The following MDFIC2 variants were observed in gnomAD, a reference collection of about 807,000 sequenced individuals.
MDFIC2 encodes myoD family inhibitor domain-containing protein 2.
At chr3:70,276,370 T>A (rs1702026155) in intron 2 of MDFIC2, among the ~76,000 whole-genome samples, 1 of 152,216 alleles carries the variant, frequency 6.6e-6, no homozygotes, top group Non-Finnish European at 1.5e-5. Context: ...CTTCTGGAAA[T>A]GTATGTTAAT....
Position 70,275,015 on chromosome 3 carries a change from CA to C in MDFIC2, c.88+36870del, listed in dbSNP as rs201838838. 9.0e-3 allele frequency among the ~76,000 whole-genome samples: 1,369 copies of C among 152,172 alleles called. 23 individuals carry two copies. Among genetic ancestry groups the C allele is most frequent in the African/African-American group, 0.031 (1,284 of 41,518 alleles). On this transcript the variant is annotated intron_variant, in intron 2 of 3. Coordinates refer to ENST00000567252, the MANE Select transcript of MDFIC2 (RefSeq NM_001364677.1). ...TGAAGATTCTCAGAACCTTGTTTCTCAAAGGAAACTACAGAAACTCAAAGGA... is the reference window on the plus strand; with the variant it reads ...TGAAGATTCTCAGAACCTTGTTTCTCAAGGAAACTACAGAAACTCAAAGGA...
intron 2 of MDFIC2, among the ~76,000 whole-genome samples, chr3:70,213,942 A>C (rs1288603780): frequency 1.3e-5 from 2 of 152,110 alleles, no homozygotes; most frequent in Admixed American, 1.3e-4. Flanking sequence ...CATTGAGAAA[A>C]GCATAATAAA....
chr3:70,277,712 T>TG (rs1702040992), intron 2 of MDFIC2, among the ~76,000 whole-genome samples: 1 of 152,140 alleles, frequency 6.6e-6, no homozygotes, highest in Non-Finnish European at 1.5e-5. Flanking sequence ...TGATGCCACC[T>TG]CAGTCTAAGA....
At chr3:70,214,517 A>G (rs1195418338) in intron 2 of MDFIC2, among the ~76,000 whole-genome samples, 1 of 152,066 alleles carries the variant, frequency 6.6e-6, no homozygotes, top group Non-Finnish European at 1.5e-5. Flanking sequence ...AGAGTACAAA[A>G]GAACTGAGGG....
intron 2 of MDFIC2, among the ~76,000 whole-genome samples, chr3:70,294,078 C>T (rs1217348364): frequency 6.6e-6 from 1 of 151,960 alleles, no homozygotes; most frequent in African/African-American, 2.4e-5. Flanking sequence ...AAAGACATGG[C>T]CATGTTTTAA....
intron 2 of MDFIC2, among the ~76,000 whole-genome samples, chr3:70,207,132 G>A (rs1701299060): frequency 6.6e-6 from 1 of 151,310 alleles, no homozygotes; most frequent in South Asian, 2.1e-4. Flanking sequence ...CTGTCACAGA[G>A]TATTATTAAT....
At chr3:70,205,286 G>A (rs958260115) in intron 3 of MDFIC2, 20 of 151,980 alleles carry the variant, frequency 1.3e-4, no homozygotes, top group African/African-American at 4.6e-4. Flanking sequence ...ATTTAGATGA[G>A]CCATGTGCTC....
intron 2 of MDFIC2, among the ~76,000 whole-genome samples, chr3:70,216,892 A>G (rs978447939): frequency 2.6e-5 from 4 of 152,140 alleles, no homozygotes; most frequent in African/African-American, 9.6e-5. Context: ...GATGCTGCTG[A>G]ACAACCTATT....
intron 2 of MDFIC2, among the ~76,000 whole-genome samples, chr3:70,280,875 C>G (rs1256436920): frequency 3.9e-5 from 6 of 152,098 alleles, no homozygotes; most frequent in Non-Finnish European, 8.8e-5. Flanking sequence ...CACAGAAAGT[C>G]CAAGAAGAAT....
intron 2 of MDFIC2, among the ~76,000 whole-genome samples, chr3:70,239,883 A>G (rs1209288996): frequency 6.6e-6 from 1 of 152,138 alleles, no homozygotes; most frequent in Non-Finnish European, 1.5e-5. Context: ...AATAAATGAG[A>G]CAATTAAGTC....
chr3:70,294,196 G>C (rs947084738), intron 2 of MDFIC2, among the ~76,000 whole-genome samples: 1 of 152,054 alleles, frequency 6.6e-6, no homozygotes, highest in Non-Finnish European at 1.5e-5. Context: ...ACAGTTTTCT[G>C]TAGAATGAAA....
At chr3:70,237,442 C>T (rs759398679) in intron 2 of MDFIC2, among the ~76,000 whole-genome samples, 4 of 152,120 alleles carry the variant, frequency 2.6e-5, no homozygotes, top group Admixed American at 6.6e-5. Context: ...CTTTCTTTTC[C>T]GATTCCTTTC....
chr3:70,241,426 A>G (rs1183173090), intron 2 of MDFIC2, among the ~76,000 whole-genome samples: 1 of 152,212 alleles, frequency 6.6e-6, no homozygotes, highest in Non-Finnish European at 1.5e-5. Flanking sequence ...TAACACTAAA[A>G]AAGTTTATAT....
At chr3:70,292,820 C>T (rs55638688) in intron 2 of MDFIC2, among the ~76,000 whole-genome samples, 29,312 of 151,628 alleles carry the variant, frequency 0.19, 2,948 homozygotes, top group South Asian at 0.28. Context: ...ATAAAAATTG[C>T]AGTTTTGTTC....
intron 2 of MDFIC2, among the ~76,000 whole-genome samples, chr3:70,239,443 A>T (rs1484699017): frequency 1.3e-5 from 2 of 152,172 alleles, no homozygotes; most frequent in Non-Finnish European, 2.9e-5. Context: ...CCCAAAGAGA[A>T]CATTTCCAAC....
rs565949236 is a variant in MDFIC2, at chr3:70,222,115, T to C, written c.89-15325A>G. On this transcript the variant is annotated intron_variant, in intron 2 of 3. Coordinates refer to ENST00000567252, the MANE Select transcript of MDFIC2 (RefSeq NM_001364677.1). ...CTTTAGGTTTCTCCCAGTGCTTTTA[T>C]GTTCCACAGCTTCTCCCTGTCTCCC... 7.9e-5 allele frequency among the ~76,000 whole-genome samples: 12 copies of C among 152,282 alleles called. No individual in the cohort carries two copies. The South Asian group carries it at 2.5e-3, about 32-fold the overall frequency.
intron 3 of MDFIC2, 93 bp from the exon 4 acceptor site, chr3:70,197,278 C>T (rs1701191571): frequency 2.5e-6 from 1 of 397,492 alleles, no homozygotes; most frequent in Non-Finnish European, 4.4e-6. Flanking sequence ...AACTTGATAG[C>T]CAACTCTTAA....
intron 3 of MDFIC2, among the ~76,000 whole-genome samples, chr3:70,199,191 T>C (rs1701210460): frequency 1.3e-5 from 2 of 152,178 alleles, no homozygotes; most frequent in Non-Finnish European, 1.5e-5. Flanking sequence ...AGGGTGGGAA[T>C]GCAGGTGACC....
At chr3:70,209,461 T>G (rs1701321286) in intron 2 of MDFIC2, among the ~76,000 whole-genome samples, 2 of 152,008 alleles carry the variant, frequency 1.3e-5, no homozygotes, top group Non-Finnish European at 2.9e-5. Flanking sequence ...AACTTAAGCA[T>G]CACAAAGAGT....
Sources: gnomAD v4.1 joint callset for allele counts (sites outside exome capture counted in the v4.1 genomes callset) on GRCh38, gnomAD v4.1.1 for gene constraint, MANE v1.5 for transcripts, NCBI Gene and HGNC (gene_info 2026-07-23, HGNC 2026-07-21) for gene names.